Variants in KCNQ5 observed in about 807,000 individuals in gnomAD.
The protein encoded by KCNQ5 is potassium voltage-gated channel subfamily KQT member 5.
In KCNQ5, 30 loss-of-function variants were observed where a neutral mutation model predicts 98.2. The observed-to-expected ratio is 0.31, with a 90% CI of 0.23 to 0.41. The LOEUF (loss-of-function observed/expected upper bound fraction) is 0.41, where lower values mean the gene tolerates loss of function less well. Ranked by LOEUF, KCNQ5 falls within the 10% of genes least tolerant of loss-of-function variation. The probability of loss-of-function intolerance (pLI) is 1.00; values close to 1 mark genes in which losing one functional copy is unlikely to be tolerated. For synonymous variants in KCNQ5, 458 were observed against 449.4 expected (o/e 1.02, Z -0.24); for missense variants, 835 against 1,182.5 (o/e 0.71, Z 4.31).
chr6:73,191,129 C>T lies in KCNQ5; in HGVS notation c.1709+425C>T, dbSNP rs545737573. ...AATTCTAATCATCCTTTGGGAATAA[C>T]GTACTATTTCTCCTTCATTAAGTTT... On this transcript the variant is annotated intron_variant, in intron 12 of 13. Coordinates refer to ENST00000370398, the MANE Select transcript of KCNQ5 (RefSeq NM_019842.4). 1.8e-4 allele frequency among the ~76,000 whole-genome samples: 27 copies of T among 152,266 alleles called. No homozygotes were observed. In the South Asian group the frequency reaches 2.9e-3, roughly 16 times the overall value.
intron 2 of KCNQ5, among the ~76,000 whole-genome samples, chr6:73,031,787 T>C (rs1010725386): frequency 7.9e-5 from 12 of 152,188 alleles, no homozygotes; most frequent in African/African-American, 2.9e-4. Flanking sequence ...CATCTAGAAA[T>C]GAAGTCAACA....
At chr6:73,071,048 C>A (rs904800715) in intron 3 of KCNQ5, among the ~76,000 whole-genome samples, 2 of 151,950 alleles carry the variant, frequency 1.3e-5, no homozygotes, top group African/African-American at 4.8e-5. Context: ...ACATGAAATC[C>A]AGGCATCTAA....
chr6:73,033,985 A>C (rs1771277064), intron 2 of KCNQ5, among the ~76,000 whole-genome samples: 2 of 152,226 alleles, frequency 1.3e-5, no homozygotes, highest in African/African-American at 4.8e-5. Flanking sequence ...ATAGTTAGTA[A>C]GCATGTTTTT....
At chr6:72,869,647 T>C (rs1778127810) in intron 1 of KCNQ5, among the ~76,000 whole-genome samples, 1 of 152,170 alleles carries the variant, frequency 6.6e-6, no homozygotes, top group Admixed American at 6.5e-5. Flanking sequence ...TGTAAAAATG[T>C]TTTTACATTG....
At chr6:72,694,633 G>A (rs535958407) in intron 1 of KCNQ5, among the ~76,000 whole-genome samples, 1 of 152,288 alleles carries the variant, frequency 6.6e-6, no homozygotes, top group South Asian at 2.1e-4. Context: ...GAATGGCAGT[G>A]AGGACCCAAG....
chr6:73,176,950 G>C lies in KCNQ5; in HGVS notation c.1577+7096G>C, dbSNP rs373669430. Among the ~76,000 whole-genome samples the C allele has an allele frequency of 7.9e-5, 12 of 152,266 alleles. No individual in the cohort carries two copies. In the East Asian group the frequency reaches 2.1e-3, roughly 27 times the overall value. On this transcript the variant is annotated intron_variant, in intron 11 of 13. Coordinates refer to ENST00000370398, the MANE Select transcript of KCNQ5 (RefSeq NM_019842.4). ...CCCCAGGGAGTAAAAAGAGAAGATG[G>C]TCAACACAGAAGTCTAAGGCTCACA...
intron 11 of KCNQ5, among the ~76,000 whole-genome samples, chr6:73,174,987 C>A (rs1297829561): frequency 6.6e-6 from 1 of 152,140 alleles, no homozygotes; most frequent in African/African-American, 2.4e-5. Flanking sequence ...TGATGAGTCA[C>A]ATGAGAAGAG....
chr6:72,638,057 G>C (rs1161159020), intron 1 of KCNQ5, among the ~76,000 whole-genome samples: 1 of 152,176 alleles, frequency 6.6e-6, no homozygotes, highest in Non-Finnish European at 1.5e-5. Context: ...GTTGTGCACT[G>C]AGATCGTCCT....
At chr6:73,120,686 C>A in intron 8 of KCNQ5, 109 bp downstream of exon 8, 1 of 610,594 alleles carries the variant, frequency 1.6e-6, no homozygotes, top group African/African-American at 1.8e-5. Flanking sequence ...TTCTCTTATT[C>A]TCTGTTGCTC....
intron 1 of KCNQ5, among the ~76,000 whole-genome samples, chr6:72,830,039 C>T (rs575663540): frequency 8.6e-4 from 131 of 152,194 alleles, no homozygotes; most frequent in Middle Eastern, 3.4e-3. Flanking sequence ...ATGTGAAGGA[C>T]CTCTTCAAGG....
chr6:73,139,173 G>A (rs769714763), intron 10 of KCNQ5, among the ~76,000 whole-genome samples: 3 of 152,202 alleles, frequency 2.0e-5, no homozygotes, highest in Admixed American at 6.5e-5. Context: ...GGCAGAAAGA[G>A]GCCATCTTAT....
chr6:72,964,603 C>A (rs982783488), intron 1 of KCNQ5, among the ~76,000 whole-genome samples: 17 of 152,088 alleles, frequency 1.1e-4, no homozygotes, highest in Non-Finnish European at 2.2e-4. Context: ...CAATACCATT[C>A]TTTGCTTTTT....
Position 72,987,445 on chromosome 6 carries a change from GT to G in KCNQ5, c.399-16459del, listed in dbSNP as rs1427108371. On this transcript the variant is annotated intron_variant, in intron 1 of 13. Transcript: ENST00000370398. ...TAGTTTGGCCAGTGGGATACTGCTG[GT>G]TTTGACAACGAGGAACAGAAACTGA... 3 of 682,816 alleles carry G rather than the reference GT, an allele frequency of 4.4e-6. No individual in the cohort carries two copies. In the Admixed American group the frequency reaches 5.4e-5, roughly 12 times the overall value. The allele number at this position is 682,816 out of a possible 1,614,324, so 42.3% of individuals were successfully genotyped here. A position where few individuals can be genotyped will look rare whatever the true frequency, so the allele number is the denominator to read the frequency against.
At chr6:72,930,395 T>G (rs1765637488) in intron 1 of KCNQ5, among the ~76,000 whole-genome samples, 1 of 152,128 alleles carries the variant, frequency 6.6e-6, no homozygotes, top group African/African-American at 2.4e-5. Context: ...GAAAGACTGA[T>G]CCTTCATTTG....
At chr6:73,110,115 TA>T (rs1562184559) in intron 6 of KCNQ5, among the ~76,000 whole-genome samples, 1 of 152,036 alleles carries the variant, frequency 6.6e-6, no homozygotes, top group East Asian at 1.9e-4. Flanking sequence ...ACTCTAAAAA[TA>T]AAAAGAAAAG....
At position 72,886,298 on chromosome 6, in the gene KCNQ5, G is replaced by A. The variant is rs565375847; in HGVS notation, c.399-117610G>A. Among the ~76,000 whole-genome samples the A allele has an allele frequency of 2.3e-3, 343 of 152,204 alleles. 2 individuals carry two copies. The highest frequency in any genetic ancestry group is 7.9e-3 in the African/African-American group (328 of 41,526). On this transcript the variant is annotated intron_variant, in intron 1 of 13. Transcript: ENST00000370398. The stretch of plus-strand genomic sequence containing the variant: ...TGAAAGAAGAATGAATATAACTCAT[G>A]GAAATTATTATGTGTATGTATGTGT...
chr6:72,763,969 A>G (rs1772424092), intron 1 of KCNQ5, among the ~76,000 whole-genome samples: 1 of 151,898 alleles, frequency 6.6e-6, no homozygotes, highest in African/African-American at 2.4e-5. Flanking sequence ...ACTTTTTTTG[A>G]TCAGATCCAG....
At chr6:73,073,282 GT>G (rs1334620064) in intron 3 of KCNQ5, among the ~76,000 whole-genome samples, 2 of 152,130 alleles carry the variant, frequency 1.3e-5, no homozygotes, top group African/African-American at 4.8e-5. Flanking sequence ...GAAAGAGAAG[GT>G]TATAATATCA....
intron 1 of KCNQ5, among the ~76,000 whole-genome samples, chr6:72,653,191 G>A (rs186992754): frequency 6.6e-6 from 1 of 151,798 alleles, no homozygotes; most frequent in Admixed American, 6.6e-5. Flanking sequence ...TGAAGCCTTT[G>A]TGATGGTGTT....
Sources: allele counts gnomAD v4.1 joint callset (sites outside exome capture counted in the v4.1 genomes callset), GRCh38; gene constraint gnomAD v4.1.1; transcripts MANE v1.5; gene names NCBI Gene and HGNC (gene_info 2026-07-23, HGNC 2026-07-21).